Variants in FBXO25 observed in about 807,000 individuals in gnomAD.
FBXO25 encodes F-box protein 25.
Under a neutral mutation model 51.9 loss-of-function variants are expected in FBXO25, and 45 were observed. The ratio of observed to expected loss-of-function variants is 0.87; its 90% CI spans 0.68 to 1.11. The LOEUF is 1.11. Ranked by LOEUF, FBXO25 falls within the 50% of genes most tolerant of loss-of-function variation. The pLI is 0.00. For synonymous variants in FBXO25, 199 were observed against 151.0 expected (o/e 1.32, Z -2.33); for missense variants, 507 against 428.5 (o/e 1.18, Z -1.62).
At chr8:422,266 G>A (rs1480908844) in intron 2 of FBXO25, among the ~76,000 whole-genome samples, 1 of 152,268 alleles carries the variant, frequency 6.6e-6, no homozygotes, top group African/African-American at 2.4e-5. Flanking sequence ...GCAGGTACCT[G>A]TGGTGTGGTG....
At chr8:419,322 T>G (rs1319201839) in intron 2 of FBXO25, among the ~76,000 whole-genome samples, 2 of 152,144 alleles carry the variant, frequency 1.3e-5, no homozygotes, top group Non-Finnish European at 2.9e-5. Context: ...TGAGCAGAGA[T>G]CCTGTCATTG....
chr8:463,342 G>A (rs930805260), intron 9 of FBXO25, among the ~76,000 whole-genome samples, 192 bp downstream of exon 9: 2 of 152,224 alleles, frequency 1.3e-5, no homozygotes, highest in South Asian at 2.1e-4. Context: ...AACCAGAAAC[G>A]CTGAAAACCA....
intron 2 of FBXO25, among the ~76,000 whole-genome samples, chr8:424,558 T>A (rs759779059): frequency 6.6e-6 from 1 of 152,168 alleles, no homozygotes; most frequent in East Asian, 1.9e-4. Context: ...AAGGTAGGGG[T>A]CTGGCTTCAG....
chr8:445,828 G>T (rs144974492), intron 5 of FBXO25, among the ~76,000 whole-genome samples: 1 of 152,298 alleles, frequency 6.6e-6, no homozygotes, highest in Admixed American at 6.5e-5. Flanking sequence ...CCGAGATCGC[G>T]CCATTGCACT....
At chr8:421,777 C>T (rs1190698916) in intron 2 of FBXO25, among the ~76,000 whole-genome samples, 1 of 152,164 alleles carries the variant, frequency 6.6e-6, no homozygotes, top group East Asian at 1.9e-4. Context: ...GGTTCCAGGG[C>T]TGGGATAGAG....
At chr8:416,088 CT>C (rs1202931975) in intron 2 of FBXO25, among the ~76,000 whole-genome samples, 1 of 152,166 alleles carries the variant, frequency 6.6e-6, no homozygotes. Context: ...CATTTATTTG[CT>C]TTTTTCACTT....
At chr8:433,740 T>C (rs1338108620) in intron 4 of FBXO25, among the ~76,000 whole-genome samples, 4 of 152,208 alleles carry the variant, frequency 2.6e-5, no homozygotes, top group Admixed American at 6.5e-5. Context: ...CTATCGTATG[T>C]TATTTCAGGG....
intron 9 of FBXO25, among the ~76,000 whole-genome samples, chr8:466,577 G>A (rs1800173710): frequency 6.6e-6 from 1 of 152,114 alleles, no homozygotes; most frequent in Non-Finnish European, 1.5e-5. Flanking sequence ...CTAAATTCTG[G>A]CCCTGGGACT....
At chr8:441,730 AG>A (rs1798437591) in intron 5 of FBXO25, among the ~76,000 whole-genome samples, 1 of 152,246 alleles carries the variant, frequency 6.6e-6, no homozygotes, top group South Asian at 2.1e-4. Context: ...TCTCAAAACA[AG>A]AAATTTATGC....
At chr8:456,929 C>G (rs1409619730) in intron 7 of FBXO25, among the ~76,000 whole-genome samples, 1 of 152,166 alleles carries the variant, frequency 6.6e-6, no homozygotes, top group Non-Finnish European at 1.5e-5. Context: ...TCACCTCTCC[C>G]TACGCTCCAC....
At chr8:422,993 A>G (rs1335817962) in intron 2 of FBXO25, among the ~76,000 whole-genome samples, 1 of 152,186 alleles carries the variant, frequency 6.6e-6, no homozygotes, top group Non-Finnish European at 1.5e-5. Flanking sequence ...TCCATTTGGA[A>G]TTTATCTTGG....
intron 2 of FBXO25, 54 bp from the exon 3 acceptor site, chr8:431,287 C>T (rs908524080): frequency 1.5e-5 from 14 of 957,032 alleles, no homozygotes; most frequent in Non-Finnish European, 2.2e-5. Context: ...AAAAGAAAAG[C>T]CAAATGAAGA....
intron 7 of FBXO25, among the ~76,000 whole-genome samples, chr8:457,794 A>G (rs1321451813): frequency 6.6e-6 from 1 of 152,222 alleles, no homozygotes; most frequent in Non-Finnish European, 1.5e-5. Flanking sequence ...GCCAATGTAG[A>G]CAGATTGCAT....
chr8:421,854 G>A lies in FBXO25; in HGVS notation c.134+8641G>A, dbSNP rs1339814485. On this transcript the variant is annotated intron_variant, in intron 2 of 9. Transcript: ENST00000350302. ...GGGTAGATGTCCGTCAAAAAGTGCT[G>A]CATTGGCCAAAGCTGGAGCAGTTTG... Among the ~76,000 whole-genome samples the A allele has an allele frequency of 3.3e-5, 5 of 152,266 alleles. No individual in the cohort carries two copies. The East Asian group carries it at 7.7e-4, about 24-fold the overall frequency.
intron 2 of FBXO25, among the ~76,000 whole-genome samples, chr8:418,330 G>GTTT (rs1796934500): frequency 1.9e-5 from 2 of 104,604 alleles, no homozygotes; most frequent in Non-Finnish European, 4.1e-5. Context: ...TCGTTTGTTT[G>GTTT]TTCTTTTTTT....
chr8:467,608 T>C, intron 9 of FBXO25: 2 of 1,073,828 alleles, frequency 1.9e-6, no homozygotes, highest in Non-Finnish European at 2.8e-6. Context: ...GTAAATAATA[T>C]GAATCAAACC....
chr8:464,397 C>G (rs1800015993), intron 9 of FBXO25, among the ~76,000 whole-genome samples: 1 of 152,176 alleles, frequency 6.6e-6, no homozygotes, highest in African/African-American at 2.4e-5. Flanking sequence ...TAAGCTGGTC[C>G]TGGAGTGACC....
At chr8:451,169 C>T in intron 6 of FBXO25, 100 bp from the exon 7 acceptor site, 1 of 948,264 alleles carries the variant, frequency 1.1e-6, no homozygotes. Flanking sequence ...CGTTGTTTGT[C>T]TGTTCGTCTA....
chr8:453,275 C>G (rs925629659), intron 7 of FBXO25, among the ~76,000 whole-genome samples: 1 of 152,158 alleles, frequency 6.6e-6, no homozygotes, highest in African/African-American at 2.4e-5. Context: ...AGACCTTGAA[C>G]TTGTTTCTTC....
Sources: gnomAD v4.1 joint callset for allele counts (sites outside exome capture counted in the v4.1 genomes callset) on GRCh38, gnomAD v4.1.1 for gene constraint, MANE v1.5 for transcripts, NCBI Gene and HGNC (gene_info 2026-07-23, HGNC 2026-07-21) for gene names.